Variants in TMEM65 observed in about 807,000 individuals in gnomAD.
TMEM65 encodes the protein transmembrane protein 65.
In TMEM65, 22 loss-of-function variants were observed where a neutral mutation model predicts 25.4. The ratio of observed to expected loss-of-function variants is 0.86; its 90% confidence interval spans 0.62 to 1.23. The LOEUF is 1.23. TMEM65 is among the 50% of genes most tolerant of loss of function. The pLI is 0.00. For missense variants in TMEM65, 262 were observed against 308.2 expected, an observed-to-expected ratio of 0.85 and a Z score of 1.12; for synonymous variants, 132 against 126.2, an observed-to-expected ratio of 1.05 and a Z score of -0.31.
intron 6 of TMEM65, among the ~76,000 whole-genome samples, chr8:124,318,113 C>G (rs1363036263): frequency 6.6e-6 from 1 of 152,098 alleles, no homozygotes; most frequent in Non-Finnish European, 1.5e-5. Context: ...TGGAGGGAGG[C>G]CTCCAGGACA....
At chr8:124,371,616 C>A (rs891016485) in intron 1 of TMEM65, among the ~76,000 whole-genome samples, 1 of 152,250 alleles carries the variant, frequency 6.6e-6, no homozygotes, top group Admixed American at 6.5e-5. Context: ...AAGTAGCTAG[C>A]GCTGGCCTCG....
chr8:124,371,716 G>C (rs547881259), intron 1 of TMEM65, 138 bp downstream of exon 1: 220 of 851,914 alleles, frequency 2.6e-4, no homozygotes, highest in Non-Finnish European at 3.3e-4. Context: ...CCCAGGCGTG[G>C]GGCCAGACAG....
chr8:124,346,173 A>T (rs760993315), intron 1 of TMEM65, among the ~76,000 whole-genome samples: 1 of 152,218 alleles, frequency 6.6e-6, no homozygotes, highest in Non-Finnish European at 1.5e-5. Flanking sequence ...CAGAGCGTGC[A>T]GGGAAAACTG....
intron 1 of TMEM65, among the ~76,000 whole-genome samples, chr8:124,338,421 G>T (rs1441343694): frequency 4.6e-5 from 7 of 151,148 alleles, no homozygotes; most frequent in African/African-American, 1.2e-4. Context: ...TGTAAGGGTG[G>T]TTTTTTTTTA....
rs1186602140 is a variant in TMEM65 at position 124,309,299 on chromosome 8, T to C, written c.*4661A>G. ...TTTTCAGCAGCACAGGGGGTTGGTG[T>C]CCCTAATCCCTCCATTGTTCAAGAG... On this transcript the variant is annotated 3_prime_UTR_variant, in exon 7 of 7. Coordinates refer to ENST00000297632, the MANE Select transcript of TMEM65 (RefSeq NM_194291.3). 6.6e-6 allele frequency: 1 copy of C among 152,190 alleles called. No individual in the cohort carries two copies. The highest frequency in any genetic ancestry group is 1.5e-5 in the Non-Finnish European group (1 of 68,030). The allele number at this position is 152,190 out of a possible 1,614,324, so 9.4% of individuals were successfully genotyped here. A position where few individuals can be genotyped will look rare whatever the true frequency, so the allele number is the denominator to read the frequency against.
intron 1 of TMEM65, among the ~76,000 whole-genome samples, chr8:124,357,220 C>T (rs1814794494): frequency 6.6e-6 from 1 of 152,064 alleles, no homozygotes; most frequent in Admixed American, 6.5e-5. Flanking sequence ...TAGTTACTAC[C>T]TATATGGGTA....
intron 3 of TMEM65, among the ~76,000 whole-genome samples, chr8:124,323,666 T>C (rs1465299277): frequency 6.6e-6 from 1 of 152,130 alleles, no homozygotes; most frequent in African/African-American, 2.4e-5. Flanking sequence ...TTTCTATTTT[T>C]CTACCACAGA....
At chr8:124,325,893 T>C (rs1814360688) in intron 3 of TMEM65, among the ~76,000 whole-genome samples, 1 of 152,062 alleles carries the variant, frequency 6.6e-6, no homozygotes, top group Admixed American at 6.6e-5. Context: ...CAATGTAAAT[T>C]ACTTTTAAAA....
intron 1 of TMEM65, among the ~76,000 whole-genome samples, chr8:124,370,080 A>G (rs1814992911): frequency 6.6e-6 from 1 of 152,194 alleles, no homozygotes; most frequent in African/African-American, 2.4e-5. Flanking sequence ...TCCATTGACT[A>G]AAGTGCTTAG....
intron 1 of TMEM65, among the ~76,000 whole-genome samples, chr8:124,370,718 T>G (rs537250690): frequency 1.3e-5 from 2 of 152,242 alleles, no homozygotes; most frequent in Non-Finnish European, 2.9e-5. Context: ...ATGAGGTAGA[T>G]AATTCTTTCC....
At chr8:124,336,384 C>T (rs1311759218) in intron 1 of TMEM65, among the ~76,000 whole-genome samples, 1 of 151,954 alleles carries the variant, frequency 6.6e-6, no homozygotes, top group Non-Finnish European at 1.5e-5. Context: ...TACAAAACGA[C>T]ACTCAACAAC....
At chr8:124,359,637 A>G (rs1330389789) in intron 1 of TMEM65, among the ~76,000 whole-genome samples, 3 of 151,922 alleles carry the variant, frequency 2.0e-5, no homozygotes, top group African/African-American at 7.3e-5. Context: ...AGCTACTCAA[A>G]AGGCTGAAGC....
In TMEM65 at chr8:124,320,200, A is replaced by G. The variant is rs765718293; in HGVS notation, c.516-9T>C. 1.2e-6 allele frequency: 2 copies of G among 1,603,496 alleles called. No homozygotes were observed. Among genetic ancestry groups the G allele is most frequent in the South Asian group, 2.2e-5 (2 of 90,596 alleles). On this transcript the variant is annotated splice_polypyrimidine_tract_variant and intron_variant, in intron 5 of 6. Transcript: ENST00000297632. ...CAACGTAGCCTGCAAGTCTTTGAAG[A>G]AACAAGACAATATGATATATAGGTT...
chr8:124,360,421 C>A, intron 1 of TMEM65, among the ~76,000 whole-genome samples: 1 of 120,704 alleles, frequency 8.3e-6, no homozygotes, highest in African/African-American at 3.4e-5. Flanking sequence ...CAGAGGGAGA[C>A]TCTGTCACAA....
chr8:124,370,790 C>T (rs892442659), intron 1 of TMEM65, among the ~76,000 whole-genome samples: 3 of 152,074 alleles, frequency 2.0e-5, no homozygotes, highest in Non-Finnish European at 1.5e-5. Context: ...TGGCATGATC[C>T]GAATCAATGT....
chr8:124,360,916 A>C (rs1350973714), intron 1 of TMEM65, among the ~76,000 whole-genome samples: 1 of 152,264 alleles, frequency 6.6e-6, no homozygotes, highest in African/African-American at 2.4e-5. Flanking sequence ...ACTAGTTTTT[A>C]AATTGTTAGT....
chr8:124,370,851 G>C (rs1815002666), intron 1 of TMEM65, among the ~76,000 whole-genome samples: 2 of 152,226 alleles, frequency 1.3e-5, no homozygotes, highest in Non-Finnish European at 2.9e-5. Context: ...CAAGTTTAGA[G>C]AGGAGAGTAA....
In TMEM65 at chr8:124,330,749, A is replaced by G. The variant is rs1001702159; in HGVS notation, c.348T>C (p.Tyr116=). 18 of 1,590,662 alleles carry G rather than the reference A, an allele frequency of 1.1e-5. No individual in the cohort carries two copies. The highest frequency in any genetic ancestry group is 1.8e-5 in the Admixed American group (1 of 54,820). The change falls in exon 2 of 7, where the codon TAT becomes TAC. Residue 116 remains tyrosine, a splice_region_variant and synonymous_variant. Coordinates refer to ENST00000297632, the MANE Select transcript of TMEM65 (RefSeq NM_194291.3). ...APPPTPGQLR[Y]VFIHNAIPFI... is the part of the protein sequence containing the mutation. ...ATTTAACAATTATAGAACCATTACC[A>G]TATCTCAGCTGTCCTGGGGTGGGTG...
intron 1 of TMEM65, among the ~76,000 whole-genome samples, chr8:124,349,194 TG>T (rs1814676138): frequency 6.6e-6 from 1 of 152,310 alleles, no homozygotes; most frequent in Admixed American, 6.5e-5. Context: ...ATCAATTGTA[TG>T]TGCATATATA....
Sources: allele counts gnomAD v4.1 joint callset (sites outside exome capture counted in the v4.1 genomes callset), GRCh38; gene constraint gnomAD v4.1.1; transcripts MANE v1.5; gene names NCBI Gene and HGNC (gene_info 2026-07-23, HGNC 2026-07-21).